The following ZNG1A variants were observed in gnomAD, a reference collection of about 807,000 sequenced individuals.
ZNG1A encodes Zn regulated GTPase metalloprotein activator 1A.
At chr9:156,227 T>C in the ZNG1A span, among the ~76,000 whole-genome samples, 6 of 149,758 alleles carry the variant, frequency 4.0e-5, 1 homozygote, top group African/African-American at 1.5e-4. Flanking sequence ...AATGTTAATA[T>C]TTCCCGAGTT....
the ZNG1A span, among the ~76,000 whole-genome samples, chr9:129,763 C>T: frequency 8.4e-6 from 1 of 119,450 alleles, no homozygotes; most frequent in Non-Finnish European, 2.0e-5. Flanking sequence ...AGACAGTTAA[C>T]AATACTATAT....
chr9:140,081 C>G, the ZNG1A span, among the ~76,000 whole-genome samples: 191 of 150,678 alleles, frequency 1.3e-3, 6 homozygotes, highest in African/African-American at 3.2e-3. Context: ...CAGCGAGGCT[C>G]GGGGAGGGGC....
At chr9:160,199 C>A in the ZNG1A span, 1 of 454,414 alleles carries the variant, frequency 2.2e-6, no homozygotes, top group Non-Finnish European at 4.4e-6. Context: ...AGCATGATAC[C>A]CCATGATATC....
the ZNG1A span, among the ~76,000 whole-genome samples, chr9:159,133 T>A: frequency 6.7e-6 from 1 of 149,440 alleles, no homozygotes; most frequent in Non-Finnish European, 1.5e-5. Context: ...ATTACATAGA[T>A]GTCCAAAGTA....
At chr9:142,431 C>T in the ZNG1A span, among the ~76,000 whole-genome samples, 1 of 112,818 alleles carries the variant, frequency 8.9e-6, no homozygotes, top group Non-Finnish European at 1.7e-5. Flanking sequence ...ACAACCTGCT[C>T]CTGAATGACT....
the ZNG1A span, among the ~76,000 whole-genome samples, chr9:173,865 T>C: frequency 6.6e-6 from 1 of 152,274 alleles, no homozygotes; most frequent in East Asian, 1.9e-4. Flanking sequence ...GGAAGGTTTT[T>C]GGCCAGTGTA....
chr9:144,533 AC>A, the ZNG1A span, among the ~76,000 whole-genome samples: 3 of 152,164 alleles, frequency 2.0e-5, no homozygotes, highest in Non-Finnish European at 4.4e-5. Context: ...TACACCTTAT[AC>A]AAAAATCAAT....
chr9:170,366 TGTGTGTGTGTGCGCATGTGCATGTGC>T, the ZNG1A span, among the ~76,000 whole-genome samples: 2 of 147,564 alleles, frequency 1.4e-5, no homozygotes, highest in African/African-American at 2.6e-5. Context: ...TGTGTGTGTG[TGTGTGTGTGTGCGCATGTGCATGTGC>T]GTGTGTGTGT....
the ZNG1A span, among the ~76,000 whole-genome samples, chr9:145,561 G>C: frequency 9.2e-6 from 1 of 108,888 alleles, no homozygotes; most frequent in Non-Finnish European, 1.8e-5. Flanking sequence ...GGTGGGGGGA[G>C]GGGGGAGGGA....
the ZNG1A span, among the ~76,000 whole-genome samples, chr9:155,942 C>A: frequency 1.4e-5 from 2 of 146,598 alleles, no homozygotes; most frequent in Non-Finnish European, 3.0e-5. Flanking sequence ...CCCATCTCTA[C>A]TAAAAAAAAT....
chr9:142,340 A>C, the ZNG1A span, among the ~76,000 whole-genome samples: 1 of 106,050 alleles, frequency 9.4e-6, no homozygotes, highest in African/African-American at 4.8e-5. Flanking sequence ...ATAAGAAACT[A>C]TCTCTCAGAC....
the ZNG1A span, among the ~76,000 whole-genome samples, chr9:124,919 T>C: frequency 6.6e-6 from 1 of 151,622 alleles, no homozygotes; most frequent in African/African-American, 2.4e-5. Flanking sequence ...TATTCCATTG[T>C]ATGCATATAT....
At chr9:172,057 G>C in the ZNG1A span, 1 of 1,609,860 alleles carries the variant, frequency 6.2e-7, no homozygotes. Context: ...CTATATTCTG[G>C]TTATTAATAA....
the ZNG1A span, among the ~76,000 whole-genome samples, chr9:168,215 T>C: frequency 3.0e-5 from 4 of 135,082 alleles, no homozygotes; most frequent in Non-Finnish European, 4.6e-5. Context: ...ACATCATTCA[T>C]GAAAGTAGCT....
At chr9:143,460 TA>T in the ZNG1A span, among the ~76,000 whole-genome samples, 1 of 116,458 alleles carries the variant, frequency 8.6e-6, no homozygotes, top group Non-Finnish European at 1.7e-5. Context: ...ATTATCTCAA[TA>T]GATGCAGAAA....
chr9:157,828 C>G, the ZNG1A span, among the ~76,000 whole-genome samples: 51 of 150,466 alleles, frequency 3.4e-4, no homozygotes, highest in Non-Finnish European at 6.7e-4. Context: ...TTAGGGGTAT[C>G]TGAATAGTTT....
chr9:171,678 A>G, the ZNG1A span: 41 of 245,930 alleles, frequency 1.7e-4, 2 homozygotes, highest in East Asian at 2.6e-3. Context: ...ATACTACACC[A>G]TTTTATGTAA....
chr9:167,100 A>T, the ZNG1A span: 8 of 75,690 alleles, frequency 1.1e-4, 1 homozygote, highest in East Asian at 2.3e-3. Flanking sequence ...ATTTTAGATT[A>T]AAAAAAAAAA....
the ZNG1A span, among the ~76,000 whole-genome samples, chr9:127,026 ACT>A: frequency 2.0e-5 from 3 of 152,036 alleles, 1 homozygote; most frequent in African/African-American, 7.2e-5. Flanking sequence ...GTTTTATTCC[ACT>A]GTGGTCTGAC....
Sources: allele counts gnomAD v4.1 joint callset (sites outside exome capture counted in the v4.1 genomes callset), GRCh38; gene constraint gnomAD v4.1.1; transcripts MANE v1.5; gene names NCBI Gene and HGNC (gene_info 2026-07-23, HGNC 2026-07-21).